Variants in TMEM117 observed in about 807,000 individuals in gnomAD.
TMEM117 encodes the protein transmembrane protein 117.
A neutral mutation model predicts 52.4 loss-of-function variants in TMEM117; 27 were observed. That is an observed-to-expected ratio of 0.51 (90% CI 0.38 to 0.71). TMEM117 has a LOEUF of 0.71. Among genes scored for constraint, TMEM117 ranks in the 30% least tolerant of loss-of-function variants. The probability of loss-of-function intolerance (pLI) is 0.00; values close to 1 mark genes in which losing one functional copy is unlikely to be tolerated. For missense variants in TMEM117, 556 were observed against 630.5 expected (o/e 0.88, Z 1.26); for synonymous variants, 215 against 206.3 (o/e 1.04, Z -0.36).
intron 5 of TMEM117, among the ~76,000 whole-genome samples, chr12:44,256,422 A>G (rs1268900370): frequency 6.6e-6 from 1 of 152,062 alleles, no homozygotes; most frequent in Non-Finnish European, 1.5e-5. Flanking sequence ...GCAATCACAT[A>G]TTTCAATAAA....
intron 4 of TMEM117, among the ~76,000 whole-genome samples, chr12:44,155,643 CA>C (rs1176533376): frequency 6.6e-6 from 1 of 152,046 alleles, no homozygotes; most frequent in East Asian, 1.9e-4. Context: ...AAGTGTGAAA[CA>C]TCTGGTATGA....
intron 3 of TMEM117, among the ~76,000 whole-genome samples, chr12:43,964,534 C>T (rs926710308): frequency 6.6e-6 from 1 of 152,174 alleles, no homozygotes; most frequent in Non-Finnish European, 1.5e-5. Context: ...TTTAAAAAAT[C>T]ATCCCATCTA....
chr12:44,189,033 C>G (rs1949317155), intron 4 of TMEM117, among the ~76,000 whole-genome samples: 1 of 151,774 alleles, frequency 6.6e-6, no homozygotes, highest in Admixed American at 6.6e-5. Flanking sequence ...GGATATATAC[C>G]ACCTTAAATA....
chr12:43,846,474 G>C (rs1013936570), intron 2 of TMEM117, among the ~76,000 whole-genome samples: 9 of 152,126 alleles, frequency 5.9e-5, no homozygotes, highest in African/African-American at 2.2e-4. Context: ...GTTGTCTCAG[G>C]GTTTGGTTCC....
At chr12:43,880,417 G>C (rs1943876798) in intron 2 of TMEM117, among the ~76,000 whole-genome samples, 1 of 151,258 alleles carries the variant, frequency 6.6e-6, no homozygotes, top group Admixed American at 6.6e-5. Flanking sequence ...TGTGCAGAAA[G>C]AAAAATCAGC....
chr12:44,312,553 A>G (rs1490636389), intron 6 of TMEM117, among the ~76,000 whole-genome samples: 1 of 152,062 alleles, frequency 6.6e-6, no homozygotes, highest in Non-Finnish European at 1.5e-5. Flanking sequence ...GCTATTGTGA[A>G]TAGCTCTGTG....
intron 3 of TMEM117, among the ~76,000 whole-genome samples, chr12:43,979,762 T>C (rs4474500): frequency 0.92 from 139,635 of 152,104 alleles, 64,799 homozygotes; most frequent in Non-Finnish European, 0.99. Flanking sequence ...ATATTCTATA[T>C]GGCTGGCTTT....
intron 3 of TMEM117, among the ~76,000 whole-genome samples, chr12:43,963,550 A>G (rs1053016405): frequency 6.6e-6 from 1 of 152,218 alleles, no homozygotes; most frequent in East Asian, 1.9e-4. Context: ...GAGATGAGCT[A>G]GGAAATTTCA....
intron 3 of TMEM117, among the ~76,000 whole-genome samples, chr12:44,083,389 GTTTTTTTT>G (rs1160025038): frequency 1.2e-5 from 1 of 80,398 alleles, no homozygotes; most frequent in African/African-American, 5.6e-5. Context: ...GGTATTGTTA[GTTTTTTTT>G]TTTTTTTTTT....
intron 2 of TMEM117, among the ~76,000 whole-genome samples, chr12:43,883,570 A>G (rs1230014636): frequency 6.6e-6 from 1 of 152,226 alleles, no homozygotes; most frequent in East Asian, 1.9e-4. Flanking sequence ...AGGCTGATGT[A>G]AGAATAGTTA....
At chr12:43,969,471 A>C (rs1313428101) in intron 3 of TMEM117, among the ~76,000 whole-genome samples, 1 of 151,458 alleles carries the variant, frequency 6.6e-6, no homozygotes, top group Non-Finnish European at 1.5e-5. Context: ...GCAGTGAGCC[A>C]AGATCGCACC....
intron 3 of TMEM117, among the ~76,000 whole-genome samples, chr12:43,951,059 G>T (rs994364927): frequency 6.6e-6 from 1 of 152,148 alleles, no homozygotes; most frequent in Non-Finnish European, 1.5e-5. Context: ...CCAGAGGAGT[G>T]GGGGGACCTC....
intron 3 of TMEM117, among the ~76,000 whole-genome samples, chr12:44,003,296 G>T (rs563468749): frequency 7.2e-4 from 109 of 152,326 alleles, no homozygotes; most frequent in African/African-American, 2.5e-3. Flanking sequence ...CCATGTCATT[G>T]TCTGCTGGGA....
downstream of TMEM117, among the ~76,000 whole-genome samples, chr12:44,390,568 CAG>C (rs1484247284): frequency 6.0e-5 from 9 of 150,930 alleles, no homozygotes; most frequent in African/African-American, 9.7e-5. Context: ...AGAAGTAAGA[CAG>C]AAAAAAAATA....
intron 3 of TMEM117, among the ~76,000 whole-genome samples, chr12:43,957,631 C>A (rs1015643842): frequency 6.6e-6 from 1 of 152,148 alleles, no homozygotes; most frequent in Non-Finnish European, 1.5e-5. Flanking sequence ...GGCATGCTCC[C>A]AAGTTCAGGT....
intron 4 of TMEM117, among the ~76,000 whole-genome samples, chr12:44,180,574 A>G (rs551981105): frequency 0.032 from 4,454 of 139,766 alleles, 93 homozygotes; most frequent in Admixed American, 0.05. Flanking sequence ...TCATTGTTCA[A>G]TTCCCACCTA....
rs1397409517 is a variant in TMEM117 at position 43,968,683 on chromosome 12, C to G, written c.410+24341C>G. Among the ~76,000 whole-genome samples, 3 of 152,000 alleles carry G rather than the reference C, an allele frequency of 2.0e-5. No individual in the cohort carries two copies. The South Asian group carries it at 6.2e-4, about 32-fold the overall frequency. ...TCATCCTATTCTGCTATAGGGGTAG[C>G]TAAAACCCTTTGCAGAATTAAAAAA... On this transcript the variant is annotated intron_variant, in intron 3 of 7. Coordinates refer to ENST00000266534, the MANE Select transcript of TMEM117 (RefSeq NM_032256.3).
rs188355136 is a variant in TMEM117, at chr12:43,889,144, A to G, written c.277+44216A>G. On this transcript the variant is annotated intron_variant, in intron 2 of 7. Transcript: ENST00000266534. ...GTCACCCAAGCTGGAGTGCAATGGC[A>G]TGATCTTGGCTCACTGCAACCTCCG... Among the ~76,000 whole-genome samples, 77 of 150,298 alleles carry G rather than the reference A, an allele frequency of 5.1e-4. No homozygotes were observed. The East Asian group carries it at 0.014, about 27-fold the overall frequency.
chr12:44,190,022 T>A (rs842209), intron 4 of TMEM117, among the ~76,000 whole-genome samples: 99,702 of 152,116 alleles, frequency 0.66, 34,496 homozygotes, highest in East Asian at 0.96. Context: ...GATGACAAAC[T>A]AGAACAGCTG....
Sources: allele counts gnomAD v4.1 joint callset (sites outside exome capture counted in the v4.1 genomes callset), GRCh38; gene constraint gnomAD v4.1.1; transcripts MANE v1.5; gene names NCBI Gene and HGNC (gene_info 2026-07-23, HGNC 2026-07-21).